The following NLGN1 variants were observed in gnomAD, a reference collection of about 807,000 sequenced individuals.
NLGN1 encodes neuroligin-1.
Under a neutral mutation model 65.5 loss-of-function variants are expected in NLGN1, and 12 were observed. That is an observed-to-expected ratio of 0.18 (90% CI 0.12 to 0.30). The LOEUF is 0.30. Ranked by LOEUF, NLGN1 falls within the 10% of genes least tolerant of loss-of-function variation. The pLI, the probability that NLGN1 is intolerant of heterozygous loss-of-function variation, is 1.00. For missense variants in NLGN1, 750 were observed against 1,007.1 expected (o/e 0.74, Z 3.46); for synonymous variants, 350 against 359.5 (o/e 0.97, Z 0.30).
At chr3:173,446,311 G>A (rs1214370530) in intron 2 of NLGN1, among the ~76,000 whole-genome samples, 15 of 150,358 alleles carry the variant, frequency 1.0e-4, no homozygotes, top group East Asian at 8.1e-4. Context: ...GAGAACATGC[G>A]GTGTTTGGTT....
At chr3:174,051,759 T>A (rs975599548) in intron 4 of NLGN1, among the ~76,000 whole-genome samples, 4 of 152,142 alleles carry the variant, frequency 2.6e-5, no homozygotes, top group East Asian at 1.9e-4. Flanking sequence ...CCAAAAAGAC[T>A]GTGGAATTAT....
At chr3:173,998,703 A>T (rs374305240) in intron 4 of NLGN1, among the ~76,000 whole-genome samples, 172 of 152,290 alleles carry the variant, frequency 1.1e-3, no homozygotes, top group African/African-American at 3.9e-3. Flanking sequence ...TCATAAGTCT[A>T]CTTGCACTGT....
intron 4 of NLGN1, among the ~76,000 whole-genome samples, chr3:173,907,941 A>G (rs930139009): frequency 9.9e-5 from 15 of 152,152 alleles, no homozygotes; most frequent in African/African-American, 2.7e-4. Flanking sequence ...GCTGGTCTCG[A>G]ACTCCTGACC....
At chr3:174,090,021 A>G (rs957584111) in intron 4 of NLGN1, among the ~76,000 whole-genome samples, 2 of 152,088 alleles carry the variant, frequency 1.3e-5, no homozygotes, top group South Asian at 2.1e-4. Context: ...AGGCAGTTCT[A>G]TAATGAAATT....
At chr3:174,098,036 T>G (rs182209127) in intron 4 of NLGN1, among the ~76,000 whole-genome samples, 1 of 152,302 alleles carries the variant, frequency 6.6e-6, no homozygotes, top group East Asian at 1.9e-4. Flanking sequence ...TTAACATTCG[T>G]CTGATAAAAT....
chr3:174,236,244 C>T (rs925400565), intron 4 of NLGN1, among the ~76,000 whole-genome samples: 3 of 152,056 alleles, frequency 2.0e-5, no homozygotes, highest in African/African-American at 7.2e-5. Flanking sequence ...CAGTATGTTA[C>T]TCGAACCTAT....
At chr3:174,166,487 G>A (rs1727518627) in intron 4 of NLGN1, among the ~76,000 whole-genome samples, 1 of 152,020 alleles carries the variant, frequency 6.6e-6, no homozygotes, top group Non-Finnish European at 1.5e-5. Flanking sequence ...TAATGGTATG[G>A]TTTTGAGAGA....
At chr3:174,006,211 C>G (rs16832584) in intron 4 of NLGN1, among the ~76,000 whole-genome samples, 3 of 152,174 alleles carry the variant, frequency 2.0e-5, no homozygotes, top group Non-Finnish European at 4.4e-5. Context: ...CCAGGACTTT[C>G]CTACTTCTCT....
chr3:174,227,386 A>C (rs923708927), intron 4 of NLGN1, among the ~76,000 whole-genome samples: 3 of 152,168 alleles, frequency 2.0e-5, no homozygotes, highest in Admixed American at 2.0e-4. Context: ...GAGGGATCTG[A>C]GACTCAGAAA....
At chr3:174,288,223 C>T (rs919772929), downstream of NLGN1, among the ~76,000 whole-genome samples, 2 of 151,456 alleles carry the variant, frequency 1.3e-5, no homozygotes, top group African/African-American at 4.8e-5. Context: ...GCCAGTTCAC[C>T]AGTTAAGGTA....
chr3:173,892,111 A>C (rs1199805814), intron 4 of NLGN1, among the ~76,000 whole-genome samples: 2 of 151,922 alleles, frequency 1.3e-5, no homozygotes, highest in Non-Finnish European at 2.9e-5. Context: ...TATCTTTACA[A>C]GCATTTACTC....
chr3:173,429,210 CTG>C (rs1456345445), intron 1 of NLGN1, among the ~76,000 whole-genome samples: 1 of 151,892 alleles, frequency 6.6e-6, no homozygotes, highest in African/African-American at 2.4e-5. Context: ...TGTCCTCTGA[CTG>C]TGTATTTTCA....
At chr3:173,415,044 T>G (rs577903018) in intron 1 of NLGN1, among the ~76,000 whole-genome samples, 3 of 152,364 alleles carry the variant, frequency 2.0e-5, no homozygotes, top group East Asian at 3.9e-4. Flanking sequence ...TGAGCCAAAC[T>G]TCTCCTTGGT....
At chr3:173,768,600 C>T (rs1368321403) in intron 3 of NLGN1, among the ~76,000 whole-genome samples, 1 of 152,114 alleles carries the variant, frequency 6.6e-6, no homozygotes, top group African/African-American at 2.4e-5. Flanking sequence ...TAAAATTTTC[C>T]CCCTTGGAAC....
chr3:174,278,678 C>A (rs918547272), intron 5 of NLGN1, among the ~76,000 whole-genome samples, 183 bp from the exon 6 acceptor site: 13 of 151,950 alleles, frequency 8.6e-5, no homozygotes, highest in African/African-American at 3.1e-4. Flanking sequence ...CTTAGATCCA[C>A]CTCTCTAATC....
chr3:173,427,565 G>A (rs1716352603), intron 1 of NLGN1, among the ~76,000 whole-genome samples: 3 of 151,742 alleles, frequency 2.0e-5, no homozygotes, highest in Admixed American at 1.3e-4. Context: ...TGTGTTCATT[G>A]ACCCATTGGT....
intron 5 of NLGN1, among the ~76,000 whole-genome samples, chr3:174,275,896 T>C (rs1367981656): frequency 6.6e-6 from 1 of 151,908 alleles, no homozygotes; most frequent in Non-Finnish European, 1.5e-5. Flanking sequence ...GCAGGGATTG[T>C]ATATAATCTA....
chr3:173,502,837 A>G (rs999772545), intron 2 of NLGN1, among the ~76,000 whole-genome samples: 6 of 152,134 alleles, frequency 3.9e-5, no homozygotes, highest in Non-Finnish European at 7.4e-5. Context: ...TAAAATATTC[A>G]GAGGAAACAA....
intron 2 of NLGN1, among the ~76,000 whole-genome samples, chr3:173,526,184 T>C (rs1735609448): frequency 6.6e-6 from 1 of 152,126 alleles, no homozygotes; most frequent in Non-Finnish European, 1.5e-5. Context: ...ACTTCTGTAT[T>C]ATTGAATTGC....
Sources: allele counts gnomAD v4.1 joint callset (sites outside exome capture counted in the v4.1 genomes callset), GRCh38; gene constraint gnomAD v4.1.1; transcripts MANE v1.5; gene names NCBI Gene and HGNC (gene_info 2026-07-23, HGNC 2026-07-21).